The following SORCS1 variants were observed in gnomAD, a reference collection of about 807,000 sequenced individuals.
SORCS1 encodes the protein sortilin related VPS10 domain containing receptor 1.
Under a neutral mutation model 146.1 loss-of-function variants are expected in SORCS1, and 60 were observed. The observed-to-expected ratio is 0.41, with a 90% CI of 0.33 to 0.51. SORCS1 has a LOEUF of 0.51. Among genes scored for constraint, SORCS1 ranks in the 20% least tolerant of loss-of-function variants. The pLI is 0.21. For missense variants in SORCS1, 1,352 were observed against 1,487.6 expected, an observed-to-expected ratio of 0.91 and a Z score of 1.50; for synonymous variants, 637 against 584.0, an observed-to-expected ratio of 1.09 and a Z score of -1.31.
At chr10:107,068,478 T>C (rs1007984432) in intron 1 of SORCS1, among the ~76,000 whole-genome samples, 6 of 152,102 alleles carry the variant, frequency 3.9e-5, no homozygotes, top group African/African-American at 1.4e-4. Flanking sequence ...TTTCTGAAGG[T>C]TAAGTGACCA....
At chr10:106,756,572 T>G (rs1858658261) in intron 5 of SORCS1, among the ~76,000 whole-genome samples, 1 of 152,174 alleles carries the variant, frequency 6.6e-6, no homozygotes, top group South Asian at 2.1e-4. Flanking sequence ...AAAGGACACC[T>G]ATTCTATTAA....
At chr10:106,721,697 T>C (rs548979533) in intron 6 of SORCS1, among the ~76,000 whole-genome samples, 2 of 152,328 alleles carry the variant, frequency 1.3e-5, no homozygotes, top group East Asian at 3.9e-4. Flanking sequence ...TTTACAAAAA[T>C]TTGAAATGTA....
chr10:106,942,885 C>A (rs530819650), intron 2 of SORCS1, among the ~76,000 whole-genome samples: 1 of 152,174 alleles, frequency 6.6e-6, no homozygotes, highest in Non-Finnish European at 1.5e-5. Flanking sequence ...GAAATGTAAA[C>A]ATGGCCAGGT....
intron 3 of SORCS1, among the ~76,000 whole-genome samples, chr10:106,800,360 C>A (rs950952147): frequency 6.6e-6 from 1 of 151,892 alleles, no homozygotes; most frequent in Non-Finnish European, 1.5e-5. Context: ...TGTAAGACTT[C>A]CTAAAGGTTG....
intron 18 of SORCS1, among the ~76,000 whole-genome samples, chr10:106,636,702 T>C (rs1848745836): frequency 1.3e-5 from 2 of 152,168 alleles, no homozygotes; most frequent in Non-Finnish European, 2.9e-5. Flanking sequence ...TTATAGGGAT[T>C]ACATTTTAAG....
At chr10:106,984,853 T>G (rs939090359) in intron 1 of SORCS1, among the ~76,000 whole-genome samples, 2 of 152,110 alleles carry the variant, frequency 1.3e-5, no homozygotes, top group Non-Finnish European at 2.9e-5. Flanking sequence ...ATGAAAACAT[T>G]AGTAAACATG....
Position 106,884,994 on chromosome 10 carries a change from A to C in SORCS1, c.627-55321T>G, listed in dbSNP as rs1334469273. ...GGGATACAAAAGCACCTGAGCAATTAGAAATTAACATGTAATCATCAAGGA... is the reference window on the plus strand; with the variant it reads ...GGGATACAAAAGCACCTGAGCAATTCGAAATTAACATGTAATCATCAAGGA... On this transcript the variant is annotated intron_variant, in intron 2 of 25. Coordinates refer to ENST00000263054, the MANE Select transcript of SORCS1 (RefSeq NM_052918.5). Among the ~76,000 whole-genome samples the C allele has an allele frequency of 2.6e-5, 4 of 152,236 alleles. No homozygotes were observed. The South Asian group carries it at 8.3e-4, about 31-fold the overall frequency.
intron 2 of SORCS1, among the ~76,000 whole-genome samples, chr10:106,860,477 C>G (rs925239260): frequency 6.6e-6 from 1 of 152,188 alleles, no homozygotes; most frequent in African/African-American, 2.4e-5. Context: ...CTGGGCTAAG[C>G]ACTTCATAAG....
At chr10:106,699,564 C>T (rs1853974506) in intron 8 of SORCS1, among the ~76,000 whole-genome samples, 171 bp from the exon 9 acceptor site, 1 of 152,172 alleles carries the variant, frequency 6.6e-6, no homozygotes, top group Non-Finnish European at 1.5e-5. Flanking sequence ...TCATATATTT[C>T]CTTTGTCACT....
intron 3 of SORCS1, among the ~76,000 whole-genome samples, chr10:106,787,479 T>C (rs758655121): frequency 1.3e-5 from 2 of 152,196 alleles, no homozygotes; most frequent in Non-Finnish European, 2.9e-5. Flanking sequence ...TTTTTTAAAA[T>C]TGTATTTGCA....
chr10:107,057,662 A>T (rs1287980839), intron 1 of SORCS1, among the ~76,000 whole-genome samples: 1 of 152,164 alleles, frequency 6.6e-6, no homozygotes, highest in Non-Finnish European at 1.5e-5. Context: ...GTTTCTAACA[A>T]TGTCTAATAG....
chr10:106,786,970 T>G (rs1946085837), intron 3 of SORCS1, among the ~76,000 whole-genome samples: 1 of 152,172 alleles, frequency 6.6e-6, no homozygotes, highest in Non-Finnish European at 1.5e-5. Context: ...TTGCATTGTT[T>G]AGTCCCTCTC....
At chr10:107,076,116 A>C (rs1325040826) in intron 1 of SORCS1, among the ~76,000 whole-genome samples, 2 of 152,166 alleles carry the variant, frequency 1.3e-5, no homozygotes. Flanking sequence ...GGCTTCTGAG[A>C]GCCAGCTGCC....
intron 17 of SORCS1, 30 bp from the exon 18 acceptor site, chr10:106,652,583 C>T (rs1432592875): frequency 6.2e-7 from 1 of 1,606,308 alleles, no homozygotes; most frequent in Non-Finnish European, 8.5e-7. Context: ...AGTCGTAAAC[C>T]AGCTCATTAT....
At chr10:106,729,395 T>C (rs1171877009) in intron 6 of SORCS1, among the ~76,000 whole-genome samples, 1 of 151,740 alleles carries the variant, frequency 6.6e-6, no homozygotes, top group Admixed American at 6.6e-5. Flanking sequence ...CAACTGACTC[T>C]CCTCCTGCTG....
At chr10:107,049,160 G>A (rs1195094206) in intron 1 of SORCS1, among the ~76,000 whole-genome samples, 5 of 149,848 alleles carry the variant, frequency 3.3e-5, no homozygotes, top group Admixed American at 6.7e-5. Context: ...GTAAACTATC[G>A]CAAGGACAAA....
At chr10:106,686,619 T>C (rs1235746154) in intron 10 of SORCS1, among the ~76,000 whole-genome samples, 1 of 152,218 alleles carries the variant, frequency 6.6e-6, no homozygotes, top group East Asian at 1.9e-4. Context: ...CTACATTTAC[T>C]TACTCTGTCA....
At chr10:107,048,853 G>A (rs1341541884) in intron 1 of SORCS1, among the ~76,000 whole-genome samples, 1 of 152,132 alleles carries the variant, frequency 6.6e-6, no homozygotes, top group Non-Finnish European at 1.5e-5. Context: ...TGACACTAAG[G>A]CCATGTTTAA....
intron 18 of SORCS1, among the ~76,000 whole-genome samples, chr10:106,639,451 C>A (rs552860136): frequency 6.6e-6 from 1 of 152,252 alleles, no homozygotes; most frequent in East Asian, 1.9e-4. Context: ...TAAAGAACAG[C>A]AATATTCCAA....
Sources: allele counts gnomAD v4.1 joint callset (sites outside exome capture counted in the v4.1 genomes callset), GRCh38; gene constraint gnomAD v4.1.1; transcripts MANE v1.5; gene names NCBI Gene and HGNC (gene_info 2026-07-23, HGNC 2026-07-21).